The following SLC6A6 variants were observed in gnomAD, a reference collection of about 807,000 sequenced individuals.
SLC6A6 encodes the protein solute carrier family 6 member 6.
Under a neutral mutation model 68.8 loss-of-function variants are expected in SLC6A6, and 16 were observed. That is an observed-to-expected ratio of 0.23 (90% confidence interval 0.16 to 0.35). The LOEUF (loss-of-function observed/expected upper bound fraction) is 0.35, where lower values mean the gene tolerates loss of function less well. SLC6A6 is among the 10% of genes least tolerant of loss of function. SLC6A6 has a pLI of 1.00. For missense variants in SLC6A6, 474 were observed against 802.8 expected (o/e 0.59, Z 4.95); for synonymous variants, 312 against 315.4 (o/e 0.99, Z 0.12).
At chr3:14,438,482 G>T (rs985972670) in intron 2 of SLC6A6, among the ~76,000 whole-genome samples, 3 of 152,154 alleles carry the variant, frequency 2.0e-5, no homozygotes, top group African/African-American at 7.2e-5. Flanking sequence ...GCGGGGCAAG[G>T]GGTCCAGCCA....
In SLC6A6 at chr3:14,426,906, G is replaced by A. The variant is rs1559289880; in HGVS notation, c.-12+10453G>A. 2.0e-5 allele frequency among the ~76,000 whole-genome samples: 3 copies of A among 152,258 alleles called. No homozygotes were observed. The South Asian group carries it at 6.2e-4, about 32-fold the overall frequency. The stretch of plus-strand genomic sequence containing the variant: ...GTCCTTCAGGGCCTGGGAATGGCAG[G>A]GCCTCCCAGAAACGGCGTGGCGATG... On this transcript the variant is annotated intron_variant, in intron 2 of 14. Coordinates refer to ENST00000622186, the MANE Select transcript of SLC6A6 (RefSeq NM_003043.6).
intron 2 of SLC6A6, among the ~76,000 whole-genome samples, chr3:14,422,931 G>A (rs1231581717): frequency 6.6e-6 from 1 of 152,190 alleles, no homozygotes; most frequent in Non-Finnish European, 1.5e-5. Flanking sequence ...GCCAGTCCTG[G>A]ACAAGGGTTC....
At chr3:14,427,362 A>G (rs973070695) in intron 2 of SLC6A6, among the ~76,000 whole-genome samples, 5 of 152,098 alleles carry the variant, frequency 3.3e-5, no homozygotes, top group Admixed American at 6.5e-5. Context: ...ATTATCAGCC[A>G]TGTTTTACAG....
At chr3:14,473,917 T>C (rs1455681221) in intron 10 of SLC6A6, among the ~76,000 whole-genome samples, 1 of 152,230 alleles carries the variant, frequency 6.6e-6, no homozygotes, top group Non-Finnish European at 1.5e-5. Flanking sequence ...AACGGCTCCC[T>C]GAGCAGGTGG....
chr3:14,436,669 G>A (rs4685161), intron 2 of SLC6A6, among the ~76,000 whole-genome samples: 38,975 of 149,506 alleles, frequency 0.26, 5,150 homozygotes, highest in Admixed American at 0.31. Flanking sequence ...CACTGAGCCT[G>A]TACCTAGCCC....
At position 14,454,032 on chromosome 3, in the gene SLC6A6, G is replaced by T. The variant is rs372231590; in HGVS notation, c.600-3918G>T. ...CCCAGAACACTTCCCCTTTACACCC[G>T]TTCACCTGTGTGTTTACTAATTGGC... On this transcript the variant is annotated intron_variant, in intron 5 of 14. Transcript: ENST00000622186. Among the ~76,000 whole-genome samples, 17 of 152,326 alleles carry T rather than the reference G, an allele frequency of 1.1e-4. No homozygotes were observed. The South Asian group carries it at 1.7e-3, about 15-fold the overall frequency.
intron 14 of SLC6A6, among the ~76,000 whole-genome samples, chr3:14,484,407 A>T (rs531372623): frequency 6.6e-6 from 1 of 152,334 alleles, no homozygotes; most frequent in South Asian, 2.1e-4. Context: ...TGGGAGGCTG[A>T]GGAGTTTGGA....
At chr3:14,410,176 CAAAAA>C (rs145587348) in intron 1 of SLC6A6, among the ~76,000 whole-genome samples, 7 of 60,742 alleles carry the variant, frequency 1.2e-4, no homozygotes, top group African/African-American at 1.0e-4. Flanking sequence ...GACTCCATCT[CAAAAA>C]AAAAAAAAAA....
At chr3:14,435,588 C>G (rs535683674) in intron 2 of SLC6A6, among the ~76,000 whole-genome samples, 1 of 152,204 alleles carries the variant, frequency 6.6e-6, no homozygotes, top group Non-Finnish European at 1.5e-5. Flanking sequence ...ATGACCTCAC[C>G]GGGACAAGCC....
At position 14,472,460 on chromosome 3, in the gene SLC6A6, C is replaced by T; in HGVS notation, c.1209+143C>T. On this transcript the variant is annotated intron_variant, in intron 10 of 14. Coordinates refer to ENST00000622186, the MANE Select transcript of SLC6A6 (RefSeq NM_003043.6). The surrounding 1 kb of genome is among the most constrained non-coding windows in gnomAD (Gnocchi z 4.5). ...AGTGCTTCAGCTGTGAGGGTTCCTC[C>T]AGGACACCAGGAATAGAAAAAGCTC... 6 of 633,346 alleles carry T rather than the reference C, an allele frequency of 9.5e-6. No homozygotes were observed. The highest frequency in any genetic ancestry group is 1.4e-5 in the Non-Finnish European group (5 of 354,464). 39.2% of individuals were successfully genotyped at this position (633,346 alleles called of 1,614,324 possible). A position where few individuals can be genotyped will look rare whatever the true frequency, so the allele number is the denominator to read the frequency against.
Position 14,481,634 on chromosome 3 carries a change from C to T in SLC6A6, c.1552-37C>T. Reference sequence around the variant, plus strand: ...CAGAAGCCCCCCACCCCCCGATGCCCAGGACCCCTCTCCTGACTGCCCCCA... The same window carrying T: ...CAGAAGCCCCCCACCCCCCGATGCCTAGGACCCCTCTCCTGACTGCCCCCA... On this transcript the variant is annotated intron_variant, in intron 13 of 14. Transcript: ENST00000622186. This position sits in a 1 kb window ranked among gnomAD's most constrained non-coding sequence, Gnocchi z 4.7. 1 of 1,528,386 alleles carries T rather than the reference C, an allele frequency of 6.5e-7. No homozygotes were observed. The allele number at this position is 1,528,386 out of a possible 1,614,324, so 94.7% of individuals were successfully genotyped here.
rs1271435406 is a variant in SLC6A6 at position 14,486,314 on chromosome 3, T to TG, written c.*1312dup. 2 of 152,528 alleles carry TG rather than the reference T, an allele frequency of 1.3e-5. No individual in the cohort carries two copies. The highest frequency in any genetic ancestry group is 2.9e-5 in the Non-Finnish European group (2 of 68,024). 9.4% of individuals were successfully genotyped at this position (152,528 alleles called of 1,614,324 possible). On this transcript the variant is annotated 3_prime_UTR_variant, in exon 15 of 15. Transcript: ENST00000622186. Reference sequence around the variant, plus strand: ...CAGCTTTTGAGTCTGTATCCTCCACTGGGGGAAGTGCTCCCAGTTCAGAAC... The same window carrying TG: ...CAGCTTTTGAGTCTGTATCCTCCACTGGGGGGAAGTGCTCCCAGTTCAGAAC...
Position 14,479,135 on chromosome 3 carries a change from G to C in SLC6A6, c.1501G>C (p.Gly501Arg), listed in dbSNP as rs746138760. 14 of 1,613,626 alleles carry C rather than the reference G, an allele frequency of 8.7e-6. No homozygotes were observed. The highest frequency in any genetic ancestry group is 1.2e-5 in the Non-Finnish European group (14 of 1,179,562). ...TGAGGACATGATTGGCTATCGGCCC[G>C]GGCCCTGGATGAAGTACAGCTGGGC... ...GIEDMIGYRP[G>R]PWMKYSWAVI... Residue 501 changes from glycine to arginine, a missense_variant, in exon 13 of 15, where the codon GGG becomes CGG. This residue lies in a region of SLC6A6 where 194 missense variants were observed against 269.8 expected (regional missense o/e 0.72). Transcript: ENST00000622186.
rs150631832 is a variant in SLC6A6, at chr3:14,448,862, C to T, written c.599+1046C>T. Among the ~76,000 whole-genome samples, 953 of 152,372 alleles carry T rather than the reference C, an allele frequency of 6.3e-3. 7 individuals carry two copies. Among genetic ancestry groups the T allele is most frequent in the African/African-American group, 0.022 (901 of 41,580 alleles). ...AAATAGGCTACTGCATCATTTCCCT[C>T]TTCTTCATAAGCCAGCCTTGGGGCT... is the stretch of plus-strand genomic sequence containing the variant. On this transcript the variant is annotated intron_variant, in intron 5 of 14. Transcript: ENST00000622186.
chr3:14,478,650 T>C, intron 12 of SLC6A6, 82 bp downstream of exon 12: 1 of 879,138 alleles, frequency 1.1e-6, no homozygotes, highest in Non-Finnish European at 1.9e-6. Context: ...CAGAGAATAC[T>C]AACAGAAATT....
intron 6 of SLC6A6, among the ~76,000 whole-genome samples, chr3:14,463,338 G>T (rs963925464): frequency 6.6e-6 from 1 of 152,204 alleles, no homozygotes; most frequent in Non-Finnish European, 1.5e-5. Flanking sequence ...AACTCACGAA[G>T]CCCTTAGCTG....
chr3:14,474,554 C>T (rs116341620), intron 10 of SLC6A6, among the ~76,000 whole-genome samples: 2,428 of 152,300 alleles, frequency 0.016, 77 homozygotes, highest in African/African-American at 0.055. Flanking sequence ...CTGCCGGCCC[C>T]GCACCTGGCT....
In SLC6A6 at chr3:14,436,345, C is replaced by T. The variant is rs554293019; in HGVS notation, c.-11-7279C>T. ...CCTCCTGAGTAGCTGGGACTGCAGG[C>T]GCACGTGACCACACCTGGCTAATTT... On this transcript the variant is annotated intron_variant, in intron 2 of 14. Coordinates refer to ENST00000622186, the MANE Select transcript of SLC6A6 (RefSeq NM_003043.6). Among the ~76,000 whole-genome samples, 53 of 152,054 alleles carry T rather than the reference C, an allele frequency of 3.5e-4. 1 individual carries two copies. In the South Asian group the frequency reaches 9.4e-3, roughly 27 times the overall value.
At chr3:14,479,220 T>C (rs777269650) in intron 13 of SLC6A6, 35 bp downstream of exon 13, 1 of 1,289,242 alleles carries the variant, frequency 7.8e-7, no homozygotes, top group South Asian at 1.2e-5. Flanking sequence ...GCTGGTGGCC[T>C]CTTCTCCCTG....
Sources: gnomAD v4.1 joint callset for allele counts (sites outside exome capture counted in the v4.1 genomes callset) on GRCh38, gnomAD v4.1.1 for gene constraint, gnomAD v4.1.1 regional missense constraint, Gnocchi (gnomAD v3.1) non-coding constraint, MANE v1.5 for transcripts, NCBI Gene and HGNC (gene_info 2026-07-23, HGNC 2026-07-21) for gene names.